The following SNX4 variants were observed in gnomAD, a reference collection of about 807,000 sequenced individuals.
SNX4 encodes the protein sorting nexin-4.
A neutral mutation model predicts 70.8 loss-of-function variants in SNX4; 49 were observed. The observed-to-expected ratio is 0.69, with a 90% CI of 0.55 to 0.88. The LOEUF is 0.88. SNX4 is among the 40% of genes least tolerant of loss of function. SNX4 has a pLI of 0.00. For synonymous variants in SNX4, 206 were observed against 183.8 expected (o/e 1.12, Z -0.98); for missense variants, 528 against 544.8 (o/e 0.97, Z 0.31).
intron 9 of SNX4, among the ~76,000 whole-genome samples, chr3:125,467,428 G>C (rs558553452): frequency 5.3e-5 from 7 of 132,214 alleles, no homozygotes; most frequent in Admixed American, 2.3e-4. Context: ...ATAAAGGAGT[G>C]GGGGGAAGGA....
intron 7 of SNX4, among the ~76,000 whole-genome samples, chr3:125,478,746 GA>G (rs112030191): frequency 4.3e-4 from 61 of 142,530 alleles, no homozygotes; most frequent in Admixed American, 2.7e-3. Context: ...AACCACTTAA[GA>G]AAAAAAAAAA....
chr3:125,455,630 T>A (rs1212304913), intron 11 of SNX4, among the ~76,000 whole-genome samples: 1 of 152,232 alleles, frequency 6.6e-6, no homozygotes, highest in Non-Finnish European at 1.5e-5. Flanking sequence ...AGTTTATACA[T>A]GTGTCCTGGT....
In SNX4 at chr3:125,504,677, C is replaced by G. The variant is rs756783522; in HGVS notation, c.209G>C (p.Gly70Ala). The G allele has an allele frequency of 1.2e-6, 2 of 1,613,998 alleles. No individual in the cohort carries two copies. Among genetic ancestry groups the G allele is most frequent in the Non-Finnish European group, 1.7e-6 (2 of 1,179,956 alleles). ...ISVSEAEKRT[G>A]RNAMNMQETY... is the part of the protein sequence containing the mutation. ...TTCTTGCATGTTCATGGCATTTCTT[C>G]CAGTTCGTTTTTCTGCTTCTGAAAC... Residue 70 changes from glycine (G) to alanine (A), a missense_variant, in exon 2 of 14, where the codon GGA becomes GCA. Gly to Ala is a moderately conservative substitution (Grantham distance 60, BLOSUM62 0). This residue lies in a region of SNX4 where 341 missense variants were observed against 312.2 expected (regional missense o/e 1.09). Coordinates refer to ENST00000251775, the MANE Select transcript of SNX4 (RefSeq NM_003794.4).
At chr3:125,476,793 A>C (rs1161823558) in intron 7 of SNX4, 37 bp from the exon 8 acceptor site, 7 of 1,264,600 alleles carry the variant, frequency 5.5e-6, no homozygotes, top group African/African-American at 3.0e-5. Context: ...CTTTTAGGTC[A>C]AAGTTATATC....
intron 6 of SNX4, among the ~76,000 whole-genome samples, chr3:125,482,345 C>A (rs1466001863): frequency 6.6e-6 from 1 of 152,182 alleles, no homozygotes; most frequent in Non-Finnish European, 1.5e-5. Context: ...CCCTTGCACT[C>A]TAAAGAATGA....
intron 1 of SNX4, 24 bp from the exon 2 acceptor site, chr3:125,504,768 C>T (rs1313980075): frequency 6.2e-7 from 1 of 1,606,722 alleles, no homozygotes; most frequent in Non-Finnish European, 8.5e-7. Flanking sequence ...AATAAAACAA[C>T]AACAACAACA....
intron 8 of SNX4, among the ~76,000 whole-genome samples, chr3:125,475,776 A>G (rs1329493403): frequency 6.6e-6 from 1 of 152,214 alleles, no homozygotes; most frequent in Non-Finnish European, 1.5e-5. Flanking sequence ...CAGGAGGTCA[A>G]GATCAGCCTG....
At chr3:125,512,892 A>T (rs1452160447) in intron 1 of SNX4, among the ~76,000 whole-genome samples, 1 of 152,006 alleles carries the variant, frequency 6.6e-6, no homozygotes, top group African/African-American at 2.4e-5. Context: ...CCACCCAAGT[A>T]GCTGGGATTA....
At chr3:125,518,956 T>A (rs1222045351) in intron 1 of SNX4, among the ~76,000 whole-genome samples, 10 of 151,964 alleles carry the variant, frequency 6.6e-5, no homozygotes, top group Admixed American at 5.2e-4. Context: ...GAGGTTGCAG[T>A]GAGCCGAGAT....
At chr3:125,514,567 T>C (rs1935235638) in intron 1 of SNX4, among the ~76,000 whole-genome samples, 2 of 152,130 alleles carry the variant, frequency 1.3e-5, no homozygotes, top group Non-Finnish European at 2.9e-5. Flanking sequence ...AATTTTCATA[T>C]TTCTAGTACA....
chr3:125,504,762 A>C lies in SNX4; in HGVS notation c.142-18T>G. The C allele has an allele frequency of 6.2e-7, 1 of 1,608,754 alleles. No homozygotes were observed. The highest frequency in any genetic ancestry group is 8.5e-7 in the Non-Finnish European group (1 of 1,177,668). On this transcript the variant is annotated intron_variant, in intron 1 of 13. Coordinates refer to ENST00000251775, the MANE Select transcript of SNX4 (RefSeq NM_003794.4). Reference sequence around the variant, plus strand: ...TGTGTCATCTGGACAAAAGTAAATAAAACAACAACAACAACAAAAACCTTT... The same window carrying C: ...TGTGTCATCTGGACAAAAGTAAATACAACAACAACAACAACAAAAACCTTT...
At chr3:125,493,603 G>A (rs1423653867) in intron 5 of SNX4, among the ~76,000 whole-genome samples, 2 of 147,548 alleles carry the variant, frequency 1.4e-5, no homozygotes, top group South Asian at 2.2e-4. Context: ...GCAGTGAACC[G>A]AGATCACACC....
intron 5 of SNX4, among the ~76,000 whole-genome samples, chr3:125,492,062 C>T (rs576256127): frequency 9.4e-5 from 13 of 138,682 alleles, no homozygotes; most frequent in South Asian, 2.3e-4. Context: ...GAGCCGAGAT[C>T]GCGCCACCGC....
At chr3:125,451,064 G>A (rs889215656) in intron 13 of SNX4, among the ~76,000 whole-genome samples, 5 of 152,082 alleles carry the variant, frequency 3.3e-5, no homozygotes, top group Admixed American at 6.6e-5. Context: ...CCAGGAGTTC[G>A]AGACCAGCCT....
intron 2 of SNX4, among the ~76,000 whole-genome samples, chr3:125,498,516 G>A (rs1934860348): frequency 6.6e-6 from 1 of 152,138 alleles, no homozygotes; most frequent in Non-Finnish European, 1.5e-5. Context: ...ATGGGGTCCA[G>A]CTATGTTGCC....
chr3:125,462,634 C>T (rs1055441352), intron 9 of SNX4, among the ~76,000 whole-genome samples: 6 of 148,784 alleles, frequency 4.0e-5, no homozygotes, highest in Non-Finnish European at 7.4e-5. Flanking sequence ...GAAACCATAG[C>T]TGATACAAGG....
At chr3:125,503,088 G>A (rs892457093) in intron 2 of SNX4, among the ~76,000 whole-genome samples, 9 of 151,838 alleles carry the variant, frequency 5.9e-5, no homozygotes, top group African/African-American at 1.7e-4. Context: ...CATATTTTTA[G>A]TAGAGACGGG....
intron 5 of SNX4, among the ~76,000 whole-genome samples, chr3:125,490,526 A>G (rs1377117877): frequency 7.1e-6 from 1 of 140,180 alleles, no homozygotes; most frequent in South Asian, 2.2e-4. Context: ...TCTGTCTCCA[A>G]AAAAAAAAAA....
rs371079881 is a variant in SNX4, at chr3:125,515,151, C to A, written c.141+4881G>T. On this transcript the variant is annotated intron_variant, in intron 1 of 13. Coordinates refer to ENST00000251775, the MANE Select transcript of SNX4 (RefSeq NM_003794.4). ...CTGCTTGAGGCCAAGAGTTCGAGAC[C>A]AGGCTGGCCAAAATGGCAAAACCCC... Among the ~76,000 whole-genome samples the A allele has an allele frequency of 1.5e-4, 23 of 150,592 alleles. 1 individual carries two copies. In the South Asian group the frequency reaches 2.7e-3, roughly 18 times the overall value.
Sources: allele counts gnomAD v4.1 joint callset (sites outside exome capture counted in the v4.1 genomes callset), GRCh38; gene constraint gnomAD v4.1.1; regional missense constraint gnomAD v4.1.1; transcripts MANE v1.5; gene names NCBI Gene and HGNC (gene_info 2026-07-23, HGNC 2026-07-21).